The following PTGFRN variants were observed in gnomAD, a reference collection of about 807,000 sequenced individuals.
PTGFRN encodes prostaglandin F2 receptor negative regulator.
PTGFRN carries 35 observed loss-of-function variants against 83.2 expected under a neutral mutation model. The observed-to-expected ratio is 0.42, with a 90% confidence interval of 0.32 to 0.56. PTGFRN has a LOEUF of 0.56. PTGFRN is among the 20% of genes least tolerant of loss of function. PTGFRN has a pLI of 0.11. For synonymous variants in PTGFRN, 519 were observed against 498.6 expected (o/e 1.04, Z -0.55); for missense variants, 1,051 against 1,179.5 (o/e 0.89, Z 1.60).
At chr1:116,920,163 C>G (rs919232452) in intron 1 of PTGFRN, among the ~76,000 whole-genome samples, 2 of 152,234 alleles carry the variant, frequency 1.3e-5, no homozygotes, top group Non-Finnish European at 2.9e-5. Context: ...GGAAATTGTT[C>G]GGTCCTTGTG....
chr1:116,944,707 C>T lies in PTGFRN; in HGVS notation c.447C>T (p.Pro149=). The T allele has an allele frequency of 7.0e-7, 1 of 1,419,570 alleles. No individual in the cohort carries two copies. 87.9% of individuals were successfully genotyped at this position (1,419,570 alleles called of 1,614,324 possible). A position where few individuals can be genotyped will look rare whatever the true frequency, so the allele number is the denominator to read the frequency against. Residue 149 remains proline (P), a synonymous_variant, in exon 3 of 9, where the codon CCC becomes CCT. Transcript: ENST00000393203. ...TGGCCGACTCCCTGCACGTGGGCCC[C>T]AGCGCGCGGCCCCCGCCGAGCCTGA... ...KVLADSLHVG[P]SARPPPSLSL...
intron 1 of PTGFRN, among the ~76,000 whole-genome samples, chr1:116,924,673 G>A (rs1570646663): frequency 1.3e-5 from 2 of 152,154 alleles, no homozygotes; most frequent in Non-Finnish European, 2.9e-5. Context: ...CATGCTCTGC[G>A]CTTTCTGTAT....
chr1:116,972,476 T>C (rs990407824), intron 6 of PTGFRN, among the ~76,000 whole-genome samples: 3 of 152,230 alleles, frequency 2.0e-5, no homozygotes, highest in Non-Finnish European at 4.4e-5. Flanking sequence ...TGAATTCATC[T>C]TATTAGTCAT....
intron 4 of PTGFRN, among the ~76,000 whole-genome samples, chr1:116,959,443 C>T (rs994724920): frequency 1.3e-5 from 2 of 152,174 alleles, no homozygotes; most frequent in African/African-American, 2.4e-5. Context: ...TTTTCTGGTC[C>T]ACTGAATCAT....
Position 116,958,029 on chromosome 1 carries a change from G to A in PTGFRN, c.1214-3214G>A, listed in dbSNP as rs1042902136. 6.6e-6 allele frequency among the ~76,000 whole-genome samples: 1 copy of A among 151,998 alleles called. No individual in the cohort carries two copies. The highest frequency in any genetic ancestry group is 2.4e-5 in the African/African-American group (1 of 41,428). Reference sequence around the variant, plus strand: ...AATCCATTCATCTGTTGATGGACACGGGTTGATTCCATATCTTGGCCCTTG... The same window carrying A: ...AATCCATTCATCTGTTGATGGACACAGGTTGATTCCATATCTTGGCCCTTG... On this transcript the variant is annotated intron_variant, in intron 4 of 8. Transcript: ENST00000393203. The surrounding 1 kb of genome is among the most constrained non-coding windows in gnomAD (Gnocchi z 4.9).
At chr1:116,936,948 A>G (rs1282156400) in intron 1 of PTGFRN, among the ~76,000 whole-genome samples, 1 of 152,282 alleles carries the variant, frequency 6.6e-6, no homozygotes, top group Non-Finnish European at 1.5e-5. Context: ...ATAATAGTGA[A>G]AACATAAATG....
rs920399267 is a variant in PTGFRN at position 116,923,123 on chromosome 1, A to G, written c.49+12871A>G. On this transcript the variant is annotated intron_variant, in intron 1 of 8. Transcript: ENST00000393203. The surrounding 1 kb of genome is among the most constrained non-coding windows in gnomAD (Gnocchi z 4.0). ...GATGAGCATTTGTGTGTCTCACCCAACCGTAAGCAGCTCGAAAGCAGGATC... is the reference window on the plus strand; with the variant it reads ...GATGAGCATTTGTGTGTCTCACCCAGCCGTAAGCAGCTCGAAAGCAGGATC... Among the ~76,000 whole-genome samples the G allele has an allele frequency of 3.3e-5, 5 of 152,154 alleles. No individual in the cohort carries two copies. Among genetic ancestry groups the G allele is most frequent in the South Asian group, 2.1e-4 (1 of 4,820 alleles).
At chr1:116,967,794 G>A (rs910554757) in intron 6 of PTGFRN, among the ~76,000 whole-genome samples, 4 of 152,148 alleles carry the variant, frequency 2.6e-5, no homozygotes, top group African/African-American at 9.7e-5. Flanking sequence ...AGATTCCATC[G>A]TATGGATATC....
chr1:116,933,951 C>T (rs1649859609), intron 1 of PTGFRN, among the ~76,000 whole-genome samples: 2 of 152,098 alleles, frequency 1.3e-5, no homozygotes, highest in African/African-American at 2.4e-5. Flanking sequence ...AAATCTTAGC[C>T]ATTATCTCTT....
chr1:116,922,262 C>A (rs963365798), intron 1 of PTGFRN, among the ~76,000 whole-genome samples: 2 of 152,186 alleles, frequency 1.3e-5, no homozygotes, highest in Non-Finnish European at 2.9e-5. Context: ...AGAAAAACAA[C>A]TCACAAAACA....
chr1:116,986,761 G>A (rs754074860), intron 8 of PTGFRN, 40 bp from the exon 9 acceptor site: 9 of 1,602,774 alleles, frequency 5.6e-6, no homozygotes, highest in African/African-American at 5.4e-5. Flanking sequence ...GGCCTCCCTC[G>A]CAGCACTGAC....
At chr1:116,915,753 GTC>G (rs1451826682) in intron 1 of PTGFRN, among the ~76,000 whole-genome samples, 4 of 152,078 alleles carry the variant, frequency 2.6e-5, no homozygotes, top group African/African-American at 9.7e-5. Flanking sequence ...GTGTGTCTGC[GTC>G]TCACTTTATC....
At chr1:116,985,074 T>A in intron 8 of PTGFRN, 89 bp downstream of exon 8, 2 of 1,362,458 alleles carry the variant, frequency 1.5e-6, no homozygotes, top group Non-Finnish European at 2.0e-6. Context: ...GGCCACAGTT[T>A]GAGGAATGTG....
chr1:116,974,660 A>T (rs1458307087), intron 7 of PTGFRN, among the ~76,000 whole-genome samples: 1 of 152,130 alleles, frequency 6.6e-6, no homozygotes, highest in Non-Finnish European at 1.5e-5. Flanking sequence ...ATTCATTCAG[A>T]TATTTATTGA....
chr1:116,949,208 G>T lies in PTGFRN; in HGVS notation c.849G>T (p.Val283=). ...VIQPSVLRAA[V]PKNVSVAEGK... is the part of the protein sequence containing the mutation. ...ATTTTCAAGTTCTGCGAGCAGCTGT[G>T]CCCAAGAATGTGTCTGTGGCTGAAG... Residue 283 remains valine (V), a synonymous_variant, in exon 4 of 9, where the codon GTG becomes GTT. Coordinates refer to ENST00000393203, the MANE Select transcript of PTGFRN (RefSeq NM_020440.4). 6.3e-7 allele frequency: 1 copy of T among 1,593,412 alleles called. No homozygotes were observed. The highest frequency in any genetic ancestry group is 8.6e-7 in the Non-Finnish European group (1 of 1,166,608).
At chr1:116,955,128 C>T (rs529346437) in intron 4 of PTGFRN, among the ~76,000 whole-genome samples, 1 of 152,284 alleles carries the variant, frequency 6.6e-6, no homozygotes, top group South Asian at 2.1e-4. Flanking sequence ...ACAAAGGAGT[C>T]TAATGAGCCA....
rs1650156005 is a variant in PTGFRN, at chr1:116,944,943, A to C, written c.683A>C (p.Asp228Ala). 1 of 1,613,094 alleles carries C rather than the reference A, an allele frequency of 6.2e-7. No homozygotes were observed. Among genetic ancestry groups the C allele is most frequent in the African/African-American group, 1.3e-5 (1 of 74,892 alleles). ...GDVRLDTVGS[D>A]AYRLSVSRAL... is the part of the protein sequence containing the mutation. ...GTGCGCCTCGACACCGTGGGCAGCGACGCCTACCGCCTCTCAGTGTCCCGG... is the reference window on the plus strand; with the variant it reads ...GTGCGCCTCGACACCGTGGGCAGCGCCGCCTACCGCCTCTCAGTGTCCCGG... The change falls in exon 3 of 9, where the codon GAC becomes GCC. Residue 228 changes from aspartate to alanine, a missense_variant. Around this residue, in one of 3 missense-constraint regions of PTGFRN, gnomAD observed 205 missense variants for 174.5 expected, o/e 1.17. Coordinates refer to ENST00000393203, the MANE Select transcript of PTGFRN (RefSeq NM_020440.4).
chr1:116,963,214 G>T (rs1001551257), intron 5 of PTGFRN, among the ~76,000 whole-genome samples: 1 of 152,166 alleles, frequency 6.6e-6, no homozygotes. Flanking sequence ...TGGGCTCTTG[G>T]CACTGCGTGG....
chr1:116,954,426 A>C (rs1426041951), intron 4 of PTGFRN, among the ~76,000 whole-genome samples: 3 of 152,204 alleles, frequency 2.0e-5, no homozygotes, highest in Non-Finnish European at 4.4e-5. Flanking sequence ...CTGCCTCTAA[A>C]GTACCTACCC....
Sources: gnomAD v4.1 joint callset for allele counts (sites outside exome capture counted in the v4.1 genomes callset) on GRCh38, gnomAD v4.1.1 for gene constraint, gnomAD v4.1.1 regional missense constraint, Gnocchi (gnomAD v3.1) non-coding constraint, MANE v1.5 for transcripts, NCBI Gene and HGNC (gene_info 2026-07-23, HGNC 2026-07-21) for gene names.